The following IQGAP1 variants were observed in gnomAD, a reference collection of about 807,000 sequenced individuals.
The protein encoded by IQGAP1 is IQ motif containing GTPase activating protein 1, also known as ras GTPase-activating-like protein IQGAP1.
IQGAP1 carries 66 observed loss-of-function variants against 215.6 expected under a neutral mutation model. That is an observed-to-expected ratio of 0.31 (90% confidence interval 0.25 to 0.38). The LOEUF is 0.38. Among genes scored for constraint, IQGAP1 ranks in the 10% least tolerant of loss-of-function variants. The pLI, the probability that IQGAP1 is intolerant of heterozygous loss-of-function variation, is 1.00. For synonymous variants in IQGAP1, 772 were observed against 728.7 expected, an observed-to-expected ratio of 1.06 and a Z score of -0.96; for missense variants, 1,712 against 1,997.1, an observed-to-expected ratio of 0.86 and a Z score of 2.72.
At chr15:90,443,158 G>T (rs1462543198) in intron 8 of IQGAP1, among the ~76,000 whole-genome samples, 1 of 152,088 alleles carries the variant, frequency 6.6e-6, no homozygotes, top group East Asian at 1.9e-4. Context: ...ATGGGGTCTC[G>T]CTATGTTGCC....
At chr15:90,408,611 G>C (rs1391330052) in intron 2 of IQGAP1, among the ~76,000 whole-genome samples, 1 of 152,056 alleles carries the variant, frequency 6.6e-6, no homozygotes, top group Non-Finnish European at 1.5e-5. Flanking sequence ...CATTTGAATT[G>C]GCAGGGATGG....
rs1335615726 is a variant in IQGAP1 at position 90,477,176 on chromosome 15, G to A, written c.3050G>A (p.Arg1017Gln). The change falls in exon 25 of 38, where the codon CGA becomes CAA. Residue 1017 changes from arginine to glutamine, a missense_variant. Physicochemically the swap from Arg to Gln is conservative, Grantham distance 43 (BLOSUM62 1). Coordinates refer to ENST00000268182, the MANE Select transcript of IQGAP1 (RefSeq NM_003870.4). ...CTCTACAACTACGCGTCCAACCAGC[G>A]AGAGGAGTACCTGCTCCTGCGGCTC... ...FTLYNYASNQ[R>Q]EEYLLLRLFK... The A allele has an allele frequency of 2.5e-6, 4 of 1,614,038 alleles. No homozygotes were observed. The highest frequency in any genetic ancestry group is 3.4e-6 in the Non-Finnish European group (4 of 1,180,004).
chr15:90,499,892 A>C (rs551783738), intron 37 of IQGAP1, 103 bp from the exon 38 acceptor site: 1 of 726,770 alleles, frequency 1.4e-6, no homozygotes, highest in East Asian at 2.7e-5. Flanking sequence ...GGCAGGCCTC[A>C]GTCCATCTGG....
chr15:90,489,372 C>A (rs548011833), intron 33 of IQGAP1, among the ~76,000 whole-genome samples: 1 of 152,236 alleles, frequency 6.6e-6, no homozygotes, highest in East Asian at 1.9e-4. Context: ...AAATGACCCA[C>A]CCACTGTGGC....
intron 22 of IQGAP1, 143 bp downstream of exon 22, chr15:90,474,276 A>G (rs1366232589): frequency 2.5e-6 from 2 of 807,418 alleles, no homozygotes; most frequent in Non-Finnish European, 3.9e-6. Flanking sequence ...CCCTTTGCTA[A>G]CATGTGGCTA....
intron 15 of IQGAP1, 131 bp downstream of exon 15, chr15:90,456,446 G>A: frequency 1.3e-6 from 1 of 795,746 alleles, no homozygotes; most frequent in Non-Finnish European, 1.9e-6. Flanking sequence ...CAAAGCACTG[G>A]AGGGACACAA....
At chr15:90,401,537 C>T (rs1964804672) in intron 2 of IQGAP1, among the ~76,000 whole-genome samples, 1 of 152,208 alleles carries the variant, frequency 6.6e-6, no homozygotes, top group Admixed American at 6.5e-5. Flanking sequence ...CCCCTTGCCT[C>T]TCCCCCTCTT....
In IQGAP1 at chr15:90,487,568, G is replaced by C; in HGVS notation, c.4234G>C (p.Ala1412Pro). Reference protein sequence around the residue: ...ETLTEILETPATSEQEAEHQR... With the variant: ...ETLTEILETPPTSEQEAEHQR... ...CTTGACTGAAATCCTAGAAACACCA[G>C]CCACCAGTGAACAGGTAAAATTTAG... is the stretch of plus-strand genomic sequence containing the variant. The change falls in exon 33 of 38, where the codon GCC becomes CCC. Residue 1412 changes from alanine (A) to proline (P), a missense_variant. Around this residue, in one of 2 missense-constraint regions of IQGAP1, gnomAD observed 691 missense variants for 923.0 expected, o/e 0.75. Transcript: ENST00000268182. 1.2e-6 allele frequency: 2 copies of C among 1,613,310 alleles called. No homozygotes were observed. Among genetic ancestry groups the C allele is most frequent in the South Asian group, 2.2e-5 (2 of 91,060 alleles).
chr15:90,453,569 G>C (rs1965638456), intron 13 of IQGAP1, among the ~76,000 whole-genome samples: 1 of 152,146 alleles, frequency 6.6e-6, no homozygotes, highest in Non-Finnish European at 1.5e-5. Context: ...ACCCTAGCTA[G>C]TTCATTTTCA....
In IQGAP1 at chr15:90,454,434, C is replaced by G; in HGVS notation, c.1494C>G (p.Leu498=). The change falls in exon 14 of 38, where the codon CTC becomes CTG. Residue 498 remains leucine (L), a synonymous_variant. Coordinates refer to ENST00000268182, the MANE Select transcript of IQGAP1 (RefSeq NM_003870.4). ...NIEEENCQRY[L]DELMKLKAQA... is the part of the protein sequence containing the mutation. ...ACTTGGGGGTCTGGGGCAGGTATCTCGATGAGTTGATGAAACTGAAGGCTC... is the reference window on the plus strand; with the variant it reads ...ACTTGGGGGTCTGGGGCAGGTATCTGGATGAGTTGATGAAACTGAAGGCTC... The G allele has an allele frequency of 7.4e-6, 12 of 1,613,394 alleles. No homozygotes were observed. Among genetic ancestry groups the G allele is most frequent in the Non-Finnish European group, 1.0e-5 (12 of 1,179,686 alleles).
chr15:90,438,261 G>T (rs1227849688), intron 5 of IQGAP1, among the ~76,000 whole-genome samples: 8 of 152,060 alleles, frequency 5.3e-5, no homozygotes, highest in African/African-American at 1.9e-4. Flanking sequence ...GTACCCTTCT[G>T]ATCTCTTCTA....
chr15:90,492,463 A>C, intron 34 of IQGAP1, 82 bp from the exon 35 acceptor site: 1 of 875,622 alleles, frequency 1.1e-6, no homozygotes, highest in East Asian at 3.1e-5. Context: ...TATTTAAGGC[A>C]GAGTTAAGCA....
intron 29 of IQGAP1, 72 bp downstream of exon 29, chr15:90,483,665 T>G: frequency 9.0e-7 from 1 of 1,106,374 alleles, no homozygotes; most frequent in Non-Finnish European, 1.3e-6. Context: ...AAAATAAGAT[T>G]AAAAACCACC....
chr15:90,473,113 T>A (rs1965928766), intron 19 of IQGAP1, 103 bp downstream of exon 19: 2 of 1,059,960 alleles, frequency 1.9e-6, no homozygotes, highest in African/African-American at 3.1e-5. Context: ...TTTTGAGTGC[T>A]GGACTCTTAG....
At chr15:90,438,900 T>A (rs1427677691) in intron 5 of IQGAP1, among the ~76,000 whole-genome samples, 1 of 151,970 alleles carries the variant, frequency 6.6e-6, no homozygotes, top group East Asian at 1.9e-4. Context: ...AATTTTTGTA[T>A]TTTTAGTAGA....
intron 11 of IQGAP1, among the ~76,000 whole-genome samples, chr15:90,452,239 C>T (rs8025842): frequency 0.46 from 69,600 of 151,920 alleles, 17,741 homozygotes; most frequent in East Asian, 0.74. Context: ...CTTAAGGGAT[C>T]GCTAAGATTT....
intron 2 of IQGAP1, among the ~76,000 whole-genome samples, chr15:90,420,314 G>C (rs1965114897): frequency 6.6e-6 from 1 of 152,134 alleles, no homozygotes; most frequent in Non-Finnish European, 1.5e-5. Flanking sequence ...AAGTGCGAGA[G>C]ACAGGACATG....
At chr15:90,404,974 C>A (rs1964857431) in intron 2 of IQGAP1, among the ~76,000 whole-genome samples, 1 of 152,074 alleles carries the variant, frequency 6.6e-6, no homozygotes. Context: ...GAATTTTTTG[C>A]ATGATTTTTA....
intron 9 of IQGAP1, among the ~76,000 whole-genome samples, chr15:90,444,870 A>G (rs1252556240): frequency 6.6e-6 from 1 of 152,214 alleles, no homozygotes; most frequent in Non-Finnish European, 1.5e-5. Context: ...GGGCCAGGCA[A>G]TTCCAGCATT....
Sources: gnomAD v4.1 joint callset for allele counts (sites outside exome capture counted in the v4.1 genomes callset) on GRCh38, gnomAD v4.1.1 for gene constraint, gnomAD v4.1.1 regional missense constraint, MANE v1.5 for transcripts, NCBI Gene and HGNC (gene_info 2026-07-23, HGNC 2026-07-21) for gene names.